Variants in PCDHGB2 observed in about 807,000 individuals in gnomAD.
The protein encoded by PCDHGB2 is protocadherin gamma-B2.
In PCDHGB2, 55 loss-of-function variants were observed where a neutral mutation model predicts 59.3. That is an observed-to-expected ratio of 0.93 (90% CI 0.75 to 1.16). PCDHGB2 has a LOEUF of 1.16. Among genes scored for constraint, PCDHGB2 ranks in the 50% most tolerant of loss-of-function variants. The pLI is 0.00. For missense variants in PCDHGB2, 1,228 were observed against 1,198.5 expected (o/e 1.02, Z -0.36); for synonymous variants, 516 against 512.0 (o/e 1.01, Z -0.11).
At chr5:141,376,677 T>TG in intron 1 of PCDHGB2, 1 of 105,326 alleles carries the variant, frequency 9.5e-6, no homozygotes, top group Non-Finnish European at 1.5e-5. Context: ...GAGGGTATCG[T>TG]TTTTTTTTTT....
chr5:141,491,712 G>A lies in PCDHGB2; in HGVS notation c.2422-3095G>A, dbSNP rs932849130. On this transcript the variant is annotated intron_variant, in intron 1 of 3. Coordinates refer to ENST00000522605, the MANE Select transcript of PCDHGB2 (RefSeq NM_018923.3). The surrounding 1 kb of genome is among the most constrained non-coding windows in gnomAD (Gnocchi z 6.9). Reference sequence around the variant, plus strand: ...GGGAGCGGAGCCAGGTGAGGGGCTCGGCGCCGCCCCGGGCGACCCCTGGGG... The same window carrying A: ...GGGAGCGGAGCCAGGTGAGGGGCTCAGCGCCGCCCCGGGCGACCCCTGGGG... The A allele has an allele frequency of 1.2e-6, 2 of 1,609,290 alleles. No homozygotes were observed. Among genetic ancestry groups the A allele is most frequent in the East Asian group, 2.2e-5 (1 of 44,760 alleles).
At chr5:141,382,344 A>T (rs1323658613) in intron 1 of PCDHGB2, among the ~76,000 whole-genome samples, 1 of 152,224 alleles carries the variant, frequency 6.6e-6, no homozygotes, top group Non-Finnish European at 1.5e-5. Context: ...AAAATCTTTC[A>T]TATGTATTTA....
At chr5:141,443,317 C>CAA (rs35054295) in intron 1 of PCDHGB2, among the ~76,000 whole-genome samples, 2,546 of 141,926 alleles carry the variant, frequency 0.018, 55 homozygotes, top group African/African-American at 0.052. Flanking sequence ...CCCATCTCTA[C>CAA]AAAAAAAAAA....
intron 1 of PCDHGB2, chr5:141,382,902 G>A: frequency 6.5e-7 from 1 of 1,543,512 alleles, no homozygotes; most frequent in South Asian, 1.2e-5. Flanking sequence ...GGACGACTAT[G>A]GCGGCTCAGC....
At chr5:141,423,123 A>C in intron 1 of PCDHGB2, 1 of 1,613,760 alleles carries the variant, frequency 6.2e-7, no homozygotes. Flanking sequence ...CAGCGCGGGC[A>C]CTGCTGGACA....
intron 1 of PCDHGB2, chr5:141,408,609 A>G (rs765291231): frequency 1.2e-5 from 19 of 1,613,970 alleles, no homozygotes; most frequent in Non-Finnish European, 3.4e-6. Flanking sequence ...TTTGATAAAA[A>G]GGAAATACAT....
intron 1 of PCDHGB2, chr5:141,410,134 C>T: frequency 6.2e-7 from 1 of 1,612,766 alleles, no homozygotes; most frequent in East Asian, 2.2e-5. Flanking sequence ...GCCTGCTGGT[C>T]GCTGTGCGTG....
At chr5:141,499,022 AAGG>A (rs2099788758) in intron 2 of PCDHGB2, among the ~76,000 whole-genome samples, 3 of 150,722 alleles carry the variant, frequency 2.0e-5, no homozygotes, top group Non-Finnish European at 3.0e-5. Context: ...GGAAGGAAGG[AAGG>A]AAGAAAAGAA....
intron 1 of PCDHGB2, chr5:141,475,832 T>C: frequency 2.4e-6 from 1 of 410,610 alleles, no homozygotes; most frequent in Non-Finnish European, 4.4e-6. Flanking sequence ...CTAGCGCGTG[T>C]CCTGCTCAGA....
intron 1 of PCDHGB2, chr5:141,393,946 A>G (rs1417125080): frequency 4.3e-6 from 7 of 1,613,892 alleles, no homozygotes; most frequent in Non-Finnish European, 4.2e-6. Context: ...GACTCTGGAA[A>G]GAATGGTCAA....
At chr5:141,397,920 T>A (rs2093586320) in intron 1 of PCDHGB2, 15 of 727,102 alleles carry the variant, frequency 2.1e-5, no homozygotes, top group Non-Finnish European at 3.3e-5. Flanking sequence ...CCAGATCTCC[T>A]CGCGCAGCCG....
intron 1 of PCDHGB2, chr5:141,433,186 G>A (rs753657435): frequency 1.4e-5 from 23 of 1,601,378 alleles, no homozygotes; most frequent in Non-Finnish European, 1.9e-5. Context: ...TAATTGAGGT[G>A]AGTTTATATC....
intron 1 of PCDHGB2, among the ~76,000 whole-genome samples, chr5:141,382,034 G>A (rs574726397): frequency 6.6e-5 from 10 of 151,712 alleles, no homozygotes; most frequent in African/African-American, 2.4e-4. Flanking sequence ...TCTCCATGTT[G>A]GTCAGGCTGG....
rs1416755901 is a variant in PCDHGB2 at position 141,489,721 on chromosome 5, G to C, written c.2422-5086G>C. The C allele has an allele frequency of 6.2e-7, 1 of 1,614,016 alleles. No homozygotes were observed. The highest frequency in any genetic ancestry group is 8.5e-7 in the Non-Finnish European group (1 of 1,179,966). On this transcript the variant is annotated intron_variant, in intron 1 of 3. Coordinates refer to ENST00000522605, the MANE Select transcript of PCDHGB2 (RefSeq NM_018923.3). The surrounding 1 kb of genome is among the most constrained non-coding windows in gnomAD (Gnocchi z 4.5). ...CCCACTGGACAGTGCCCAGGATCCGGATGTGGGCACCAATACTGTGAGCTT... is the reference window on the plus strand; with the variant it reads ...CCCACTGGACAGTGCCCAGGATCCGCATGTGGGCACCAATACTGTGAGCTT...
chr5:141,381,826 C>CTTCTTTTTTTT (rs1777532522), intron 1 of PCDHGB2, among the ~76,000 whole-genome samples: 8 of 74,294 alleles, frequency 1.1e-4, no homozygotes, highest in African/African-American at 4.3e-4. Context: ...CTTTCTTCTT[C>CTTCTTTTTTTT]TTTTTTTTTT....
At chr5:141,430,589 G>A in intron 1 of PCDHGB2, 1 of 529,266 alleles carries the variant, frequency 1.9e-6, no homozygotes, top group Non-Finnish European at 3.1e-6. Context: ...TGCTCGCCTT[G>A]CACGCGCCTG....
At chr5:141,494,938 G>A in intron 2 of PCDHGB2, 73 bp downstream of exon 2, 1 of 1,611,916 alleles carries the variant, frequency 6.2e-7, no homozygotes, top group South Asian at 1.1e-5. Context: ...AGGAGATGGG[G>A]GAGGGCCCAG....
At chr5:141,364,790 C>T (rs796800411) in intron 1 of PCDHGB2, 2 of 1,614,014 alleles carry the variant, frequency 1.2e-6, no homozygotes, top group Admixed American at 1.7e-5. Flanking sequence ...ACGGTTAGTG[C>T]TTCCCTTCGC....
At chr5:141,448,415 T>C (rs1286455437) in intron 1 of PCDHGB2, among the ~76,000 whole-genome samples, 2 of 152,158 alleles carry the variant, frequency 1.3e-5, no homozygotes, top group African/African-American at 2.4e-5. Context: ...ATCAAAACAA[T>C]ATACTATGTA....
Sources: gnomAD v4.1 joint callset for allele counts (sites outside exome capture counted in the v4.1 genomes callset) on GRCh38, gnomAD v4.1.1 for gene constraint, Gnocchi (gnomAD v3.1) non-coding constraint, MANE v1.5 for transcripts, NCBI Gene and HGNC (gene_info 2026-07-23, HGNC 2026-07-21) for gene names.